ACACB: variants seen among roughly 807,000 people sequenced by gnomAD.
The protein encoded by ACACB is acetyl-CoA carboxylase 2.
A neutral mutation model predicts 278.8 loss-of-function variants in ACACB; 209 were observed. The ratio of observed to expected loss-of-function variants is 0.75; its 90% confidence interval spans 0.67 to 0.84. The LOEUF (loss-of-function observed/expected upper bound fraction) is 0.84, where lower values mean the gene tolerates loss of function less well. ACACB is among the 40% of genes least tolerant of loss of function. The pLI, the probability that ACACB is intolerant of heterozygous loss-of-function variation, is 0.00. For missense variants in ACACB, 2,850 were observed against 3,269.0 expected, an observed-to-expected ratio of 0.87 and a Z score of 3.13; for synonymous variants, 1,174 against 1,285.6, an observed-to-expected ratio of 0.91 and a Z score of 1.86.
rs2047353464 is a variant in ACACB at position 109,260,596 on chromosome 12, G to A, written c.6613G>A (p.Val2205Met). 3.7e-6 allele frequency: 6 copies of A among 1,611,870 alleles called. No individual in the cohort carries two copies. The highest frequency in any genetic ancestry group is 5.1e-6 in the Non-Finnish European group (6 of 1,179,176). ...TGCGGAGCTCCGGGGAGGCTCCTGG[G>A]TGGTCATAGATGCCACCATCAACCC... ...PYAELRGGSW[V>M]VIDATINPLC... The change falls in exon 48 of 53, where the codon GTG (valine) becomes ATG (methionine). Residue 2205 changes from valine to methionine, a missense_variant. Physicochemically the swap from Val to Met is conservative, Grantham distance 21 (BLOSUM62 1). Coordinates refer to ENST00000338432, the MANE Select transcript of ACACB (RefSeq NM_001093.4).
chr12:109,167,952 G>A lies in ACACB; in HGVS notation c.843G>A (p.Arg281=), dbSNP rs1169056729. 3 of 1,613,866 alleles carry A rather than the reference G, an allele frequency of 1.9e-6. No homozygotes were observed. In the African/African-American group the frequency reaches 4.0e-5, roughly 22 times the overall value. ...TGAAGTGCATGCGCTCCATCCGCAG[G>A]TGGGCCTATGAGATGTTCCGCAACG... ...AAVKCMRSIR[R]WAYEMFRNER... is the part of the protein sequence containing the mutation. Residue 281 remains arginine (R), a synonymous_variant, in exon 4 of 53, where the codon AGG becomes AGA. Transcript: ENST00000338432.
intron 19 of ACACB, among the ~76,000 whole-genome samples, chr12:109,204,696 A>G (rs2045444065): frequency 6.6e-6 from 1 of 151,890 alleles, no homozygotes; most frequent in South Asian, 2.1e-4. Context: ...TTCTATTTCC[A>G]TGAGTTTATT....
intron 3 of ACACB, 21 bp downstream of exon 3, chr12:109,167,014 T>A: frequency 6.2e-7 from 1 of 1,613,622 alleles, no homozygotes; most frequent in Non-Finnish European, 8.5e-7. Flanking sequence ...GTCTCGGCAC[T>A]CTGGGTGGGG....
chr12:109,120,468 G>A (rs781290640), intron 1 of ACACB, among the ~76,000 whole-genome samples: 16 of 152,156 alleles, frequency 1.1e-4, no homozygotes, highest in Non-Finnish European at 2.2e-4. Context: ...GCAGGATCCT[G>A]GGAGGCAGGA....
intron 28 of ACACB, among the ~76,000 whole-genome samples, chr12:109,228,552 G>C (rs1271673960): frequency 6.6e-6 from 1 of 151,172 alleles, no homozygotes; most frequent in African/African-American, 2.4e-5. Flanking sequence ...CAGGTTACTC[G>C]GGAGGCTGAG....
At position 109,253,032 on chromosome 12, in the gene ACACB, C is replaced by CT; in HGVS notation, c.5920dup (p.Tyr1974LeufsTer26). The CT allele has an allele frequency of 6.2e-7, 1 of 1,611,078 alleles. No homozygotes were observed. The highest frequency in any genetic ancestry group is 8.5e-7 in the Non-Finnish European group (1 of 1,178,476). On this transcript the variant is annotated frameshift_variant, in exon 43 of 53. Coordinates refer to ENST00000338432, the MANE Select transcript of ACACB (RefSeq NM_001093.4). LOFTEE classifies it high-confidence loss of function. Reference sequence around the variant, plus strand: ...CAAAGCAGGTCCTGGGAAGAGAGGTCTACACATCCAACAACCAGCTGGGTG... The same window carrying CT: ...CAAAGCAGGTCCTGGGAAGAGAGGTCTTACACATCCAACAACCAGCTGGGTG...
At chr12:109,249,739 G>C (rs1045992019) in intron 40 of ACACB, 1 of 314,360 alleles carries the variant, frequency 3.2e-6, no homozygotes, top group South Asian at 6.4e-5. Flanking sequence ...TAATCTGCCC[G>C]CCTCGTCCTC....
intron 44 of ACACB, among the ~76,000 whole-genome samples, chr12:109,254,868 G>A (rs550729644): frequency 6.6e-6 from 1 of 151,822 alleles, no homozygotes; most frequent in East Asian, 1.9e-4. Flanking sequence ...TCTACCTCCT[G>A]GGTTCAAGTG....
intron 13 of ACACB, among the ~76,000 whole-genome samples, chr12:109,191,162 TG>T (rs2044862187): frequency 6.6e-6 from 1 of 151,650 alleles, no homozygotes; most frequent in Non-Finnish European, 1.5e-5. Context: ...CAGTAAACCC[TG>T]GCGCTGATTC....
chr12:109,245,093 G>A (rs1258314506), intron 37 of ACACB, among the ~76,000 whole-genome samples: 2 of 152,014 alleles, frequency 1.3e-5, no homozygotes, highest in Admixed American at 6.6e-5. Flanking sequence ...GTTGAGGCAG[G>A]AGAATCACTG....
At chr12:109,175,055 A>G (rs1313628108) in intron 7 of ACACB, among the ~76,000 whole-genome samples, 1 of 152,140 alleles carries the variant, frequency 6.6e-6, no homozygotes, top group Non-Finnish European at 1.5e-5. Flanking sequence ...TTTCCAATTT[A>G]TTTTTTCTAA....
Position 109,197,305 on chromosome 12 carries a change from T to C in ACACB, c.2627+152T>C, listed in dbSNP as rs990429349. On this transcript the variant is annotated intron_variant, in intron 17 of 52. Coordinates refer to ENST00000338432, the MANE Select transcript of ACACB (RefSeq NM_001093.4). ...CTGGGGGTGTGCAGAGAAGTTAATCTCTTGGTTGGAATTCTGTGCAACTGG... is the reference window on the plus strand; with the variant it reads ...CTGGGGGTGTGCAGAGAAGTTAATCCCTTGGTTGGAATTCTGTGCAACTGG... 13 of 1,014,222 alleles carry C rather than the reference T, an allele frequency of 1.3e-5. No homozygotes were observed. The African/African-American group carries it at 2.1e-4, about 16-fold the overall frequency. The allele number at this position is 1,014,222 out of a possible 1,614,324, so 62.8% of individuals were successfully genotyped here.
chr12:109,202,677 G>T (rs2045372751), intron 19 of ACACB, among the ~76,000 whole-genome samples: 1 of 151,934 alleles, frequency 6.6e-6, no homozygotes. Flanking sequence ...CACGAGCATG[G>T]TCCATTTGTC....
intron 2 of ACACB, among the ~76,000 whole-genome samples, chr12:109,164,041 A>G (rs2043819901): frequency 6.6e-6 from 1 of 152,194 alleles, no homozygotes; most frequent in South Asian, 2.1e-4. Context: ...GTGGAAGCAG[A>G]CACATACTTG....
At chr12:109,115,951 G>T (rs2042395226), upstream of ACACB, among the ~76,000 whole-genome samples, 1 of 152,194 alleles carries the variant, frequency 6.6e-6, no homozygotes, top group Non-Finnish European at 1.5e-5. Context: ...AGTTGGCTGG[G>T]CTTCTCCAGC....
chr12:109,188,231 T>G (rs1301166550), intron 13 of ACACB, 69 bp downstream of exon 13: 1 of 793,936 alleles, frequency 1.3e-6, no homozygotes, highest in South Asian at 2.1e-5. Context: ...CCTTCCTTCC[T>G]TCCCTCTCTC....
At chr12:109,142,819 G>A (rs1298158707) in intron 2 of ACACB, among the ~76,000 whole-genome samples, 2 of 152,046 alleles carry the variant, frequency 1.3e-5, no homozygotes, top group Non-Finnish European at 2.9e-5. Flanking sequence ...CACCCGCCTT[G>A]GCCTCCCAAA....
chr12:109,134,652 G>A (rs1419362807), intron 1 of ACACB, among the ~76,000 whole-genome samples: 2 of 152,196 alleles, frequency 1.3e-5, no homozygotes, highest in Non-Finnish European at 1.5e-5. Context: ...TGTCCCCAGA[G>A]GTTCCTAGCT....
In ACACB at chr12:109,175,434, G is replaced by A. The variant is rs541025674; in HGVS notation, c.1217-497G>A. On this transcript the variant is annotated intron_variant, in intron 7 of 52. Transcript: ENST00000338432. ...TTTCCTTTTTTGTTGTTTTGTTTTC[G>A]AGACAGGGTCTCACTCTGTCACCCA... Among the ~76,000 whole-genome samples the A allele has an allele frequency of 2.0e-4, 30 of 151,888 alleles. No homozygotes were observed. The South Asian group carries it at 5.8e-3, about 29-fold the overall frequency.
Sources: gnomAD v4.1 joint callset for allele counts (sites outside exome capture counted in the v4.1 genomes callset) on GRCh38, gnomAD v4.1.1 for gene constraint, MANE v1.5 for transcripts, NCBI Gene and HGNC (gene_info 2026-07-23, HGNC 2026-07-21) for gene names.